The following NEGR1 variants were observed in gnomAD, a reference collection of about 807,000 sequenced individuals.
NEGR1 encodes IgLON family member 4.
Under a neutral mutation model 40.9 loss-of-function variants are expected in NEGR1, and 10 were observed. The ratio of observed to expected loss-of-function variants is 0.24; its 90% CI spans 0.15 to 0.42. The LOEUF (loss-of-function observed/expected upper bound fraction) is 0.42. Ranked by LOEUF, NEGR1 falls within the 10% of genes least tolerant of loss-of-function variation. The pLI is 1.00. For missense variants in NEGR1, 352 were observed against 438.9 expected (o/e 0.80, Z 1.77); for synonymous variants, 185 against 166.8 (o/e 1.11, Z -0.84).
intron 1 of NEGR1, among the ~76,000 whole-genome samples, chr1:72,013,544 T>C (rs1032154): frequency 0.078 from 11,815 of 152,084 alleles, 606 homozygotes; most frequent in Non-Finnish European, 0.12. Flanking sequence ...ATACACACAA[T>C]TAAAATCTAA....
intron 1 of NEGR1, among the ~76,000 whole-genome samples, chr1:72,109,250 G>GAA (rs139486952): frequency 6.6e-6 from 1 of 151,396 alleles, no homozygotes; most frequent in African/African-American, 2.4e-5. Context: ...AGAATATAAA[G>GAA]AAAAAATATA....
At chr1:71,771,824 CAGA>C (rs1249297260) in intron 3 of NEGR1, among the ~76,000 whole-genome samples, 4 of 150,420 alleles carry the variant, frequency 2.7e-5, no homozygotes, top group Non-Finnish European at 4.4e-5. Context: ...CTAGTAAAAG[CAGA>C]AGGACTGCTG....
intron 6 of NEGR1, among the ~76,000 whole-genome samples, chr1:71,540,048 A>G (rs565451137): frequency 3.2e-4 from 49 of 151,916 alleles, no homozygotes; most frequent in African/African-American, 1.2e-3. Flanking sequence ...TAAATAGAGC[A>G]TTAAGTCAAA....
intron 6 of NEGR1, among the ~76,000 whole-genome samples, chr1:71,591,139 TA>T (rs1315790441): frequency 6.6e-6 from 1 of 152,144 alleles, no homozygotes; most frequent in African/African-American, 2.4e-5. Context: ...TGTTCATAAT[TA>T]CAGACAAGAT....
chr1:72,261,090 A>G (rs1429931126), intron 1 of NEGR1, among the ~76,000 whole-genome samples: 1 of 152,078 alleles, frequency 6.6e-6, no homozygotes, highest in African/African-American at 2.4e-5. Flanking sequence ...GGAGGAAAAA[A>G]TCATGTTTTA....
At chr1:71,592,992 G>T in intron 5 of NEGR1, 24 bp from the exon 6 acceptor site, 1 of 1,570,598 alleles carries the variant, frequency 6.4e-7, no homozygotes, top group Non-Finnish European at 8.8e-7. Flanking sequence ...TAAGCTCTAG[G>T]TAAATATGTA....
rs1646255631 is a variant in NEGR1, at chr1:71,402,931, TAATG to T, written c.*4511_*4514del. The T allele has an allele frequency of 6.6e-6, 1 of 152,112 alleles. No homozygotes were observed. The highest frequency in any genetic ancestry group is 1.5e-5 in the Non-Finnish European group (1 of 67,970). 9.4% of individuals were successfully genotyped at this position (152,112 alleles called of 1,614,324 possible). On this transcript the variant is annotated 3_prime_UTR_variant, in exon 7 of 7. Transcript: ENST00000357731. ...AGATAGATGTTGAAAAGGGAAGAAA[TAATG>T]AAGCTGTGGGGGAAATCAGACATTT... is the stretch of plus-strand genomic sequence containing the variant.
chr1:72,148,512 T>G (rs1050445999), intron 1 of NEGR1, among the ~76,000 whole-genome samples: 3 of 152,026 alleles, frequency 2.0e-5, no homozygotes, highest in African/African-American at 7.2e-5. Context: ...TGGCTTGAAT[T>G]TCCCCTCAAA....
chr1:71,805,156 C>T (rs1307375102), intron 2 of NEGR1, among the ~76,000 whole-genome samples: 1 of 152,118 alleles, frequency 6.6e-6, no homozygotes, highest in Admixed American at 6.6e-5. Flanking sequence ...GCTCTCAAAC[C>T]CTGTCTGCTG....
chr1:71,877,920 C>A (rs891175144), intron 2 of NEGR1, among the ~76,000 whole-genome samples: 4 of 152,114 alleles, frequency 2.6e-5, no homozygotes, highest in African/African-American at 9.6e-5. Flanking sequence ...TTAAGGATTA[C>A]AGTAAAATAT....
intron 6 of NEGR1, among the ~76,000 whole-genome samples, chr1:71,585,987 T>C (rs953881710): frequency 5.3e-5 from 8 of 152,116 alleles, no homozygotes; most frequent in African/African-American, 1.9e-4. Flanking sequence ...AGTAGTGTAT[T>C]GGCCATTTTG....
intron 3 of NEGR1, among the ~76,000 whole-genome samples, chr1:71,760,598 A>G (rs1479437871): frequency 2.0e-5 from 3 of 152,214 alleles, no homozygotes; most frequent in African/African-American, 7.2e-5. Flanking sequence ...AAAGCTCCAC[A>G]TAGAATGCAA....
At chr1:71,466,214 G>A (rs1210274866) in intron 6 of NEGR1, among the ~76,000 whole-genome samples, 1 of 152,072 alleles carries the variant, frequency 6.6e-6, no homozygotes, top group Non-Finnish European at 1.5e-5. Flanking sequence ...CTAAATGATA[G>A]CCCTTAGTAA....
intron 2 of NEGR1, among the ~76,000 whole-genome samples, chr1:71,854,518 G>C: frequency 6.6e-6 from 1 of 152,158 alleles, no homozygotes; most frequent in East Asian, 1.9e-4. Context: ...TCAGTCAAAA[G>C]GTGATGATAA....
chr1:71,510,218 G>C (rs1203513261), intron 6 of NEGR1, among the ~76,000 whole-genome samples: 1 of 152,184 alleles, frequency 6.6e-6, no homozygotes, highest in Non-Finnish European at 1.5e-5. Flanking sequence ...GACTAGCACA[G>C]AGATTAATTA....
At chr1:72,216,406 T>C (rs977177734) in intron 1 of NEGR1, among the ~76,000 whole-genome samples, 7 of 146,346 alleles carry the variant, frequency 4.8e-5, no homozygotes, top group African/African-American at 1.7e-4. Context: ...TATATACATA[T>C]ATATATATAT....
intron 6 of NEGR1, among the ~76,000 whole-genome samples, chr1:71,495,791 T>C (rs1646959149): frequency 6.6e-6 from 1 of 152,212 alleles, no homozygotes; most frequent in Admixed American, 6.5e-5. Flanking sequence ...AGGATGGTAG[T>C]GATACTGGCA....
At chr1:71,916,664 G>A (rs1375250280) in intron 2 of NEGR1, among the ~76,000 whole-genome samples, 1 of 152,178 alleles carries the variant, frequency 6.6e-6, no homozygotes, top group East Asian at 1.9e-4. Context: ...GCAGAGGCAG[G>A]AGAATTGCTT....
At chr1:72,147,890 A>G (rs1026496370) in intron 1 of NEGR1, among the ~76,000 whole-genome samples, 20 of 152,260 alleles carry the variant, frequency 1.3e-4, no homozygotes, top group Non-Finnish European at 2.5e-4. Context: ...TCCAGGTCAC[A>G]CTGATGCAAG....
Sources: allele counts gnomAD v4.1 joint callset (sites outside exome capture counted in the v4.1 genomes callset), GRCh38; gene constraint gnomAD v4.1.1; transcripts MANE v1.5; gene names NCBI Gene and HGNC (gene_info 2026-07-23, HGNC 2026-07-21).